Variants in RARB observed in about 807,000 individuals in gnomAD.
RARB encodes HBV-activated protein.
In RARB, 17 loss-of-function variants were observed where a neutral mutation model predicts 51.9. The observed-to-expected ratio is 0.33, with a 90% CI of 0.22 to 0.49. The LOEUF (loss-of-function observed/expected upper bound fraction) is 0.49. Ranked by LOEUF, RARB falls within the 20% of genes least tolerant of loss-of-function variation. The pLI is 0.99. For missense variants in RARB, 369 were observed against 550.8 expected (o/e 0.67, Z 3.30); for synonymous variants, 215 against 195.4 (o/e 1.10, Z -0.84).
intron 3 of RARB, among the ~76,000 whole-genome samples, chr3:25,126,089 T>G (rs752680274): frequency 2.0e-5 from 3 of 152,200 alleles, no homozygotes; most frequent in Non-Finnish European, 4.4e-5. Flanking sequence ...TTTATTAAAA[T>G]TTTTTGCTGC....
chr3:25,325,517 C>T (rs577908942), intron 5 of RARB, among the ~76,000 whole-genome samples: 3 of 152,144 alleles, frequency 2.0e-5, no homozygotes, highest in South Asian at 2.1e-4. Flanking sequence ...CTGGCTCAAA[C>T]GCTCTGACAG....
At position 25,063,922 on chromosome 3, in the gene RARB, G is replaced by A. The variant is rs566917819; in HGVS notation, c.-328+3746G>A. ...ACTTTGTGACTTAGCAAGGCTCAGG[G>A]AAGACTCTAATTACCAAATGCCAGA... On this transcript the variant is annotated intron_variant, in intron 3 of 11. Coordinates refer to the RARB transcript ENST00000383772. 3.9e-5 allele frequency among the ~76,000 whole-genome samples: 6 copies of A among 152,046 alleles called. No homozygotes were observed. The East Asian group carries it at 1.2e-3, about 29-fold the overall frequency.
chr3:25,175,873 G>A (rs957759076), intron 5 of RARB, among the ~76,000 whole-genome samples: 3 of 152,048 alleles, frequency 2.0e-5, no homozygotes, highest in Non-Finnish European at 2.9e-5. Flanking sequence ...CAGCCAAAGC[G>A]GCGTATTGAC....
At chr3:25,197,956 A>G (rs749429602) in intron 5 of RARB, among the ~76,000 whole-genome samples, 5 of 152,078 alleles carry the variant, frequency 3.3e-5, no homozygotes, top group African/African-American at 9.7e-5. Flanking sequence ...TGGGACCACA[A>G]AAGACCCAGA....
intron 2 of RARB, among the ~76,000 whole-genome samples, chr3:24,896,688 T>C (rs1703486547): frequency 6.6e-6 from 1 of 152,222 alleles, no homozygotes; most frequent in Admixed American, 6.5e-5. Flanking sequence ...TTGTATATTT[T>C]GATACAATAA....
chr3:25,385,263 A>G (rs1706758604), intron 5 of RARB, among the ~76,000 whole-genome samples: 1 of 152,190 alleles, frequency 6.6e-6, no homozygotes, highest in Admixed American at 6.5e-5. Flanking sequence ...CACAGAAAGG[A>G]CAATACAGCC....
chr3:25,140,608 G>A (rs577989426), intron 4 of RARB, among the ~76,000 whole-genome samples: 4 of 152,224 alleles, frequency 2.6e-5, no homozygotes, highest in Admixed American at 6.5e-5. Flanking sequence ...AAATGACAAC[G>A]AAACATTTAG....
chr3:24,843,899 G>GCACA (rs1559369359), intron 1 of RARB, among the ~76,000 whole-genome samples: 5 of 111,102 alleles, frequency 4.5e-5, no homozygotes, highest in African/African-American at 1.8e-4. Flanking sequence ...TGATTTGAGG[G>GCACA]TACACACACA....
At chr3:25,078,975 T>C (rs1284418768) in intron 3 of RARB, among the ~76,000 whole-genome samples, 1 of 152,186 alleles carries the variant, frequency 6.6e-6, no homozygotes, top group Admixed American at 6.5e-5. Flanking sequence ...TAAATCAATT[T>C]GAGGAAAACT....
intron 2 of RARB, among the ~76,000 whole-genome samples, chr3:24,962,008 C>A (rs1696152442): frequency 1.4e-5 from 2 of 139,268 alleles, no homozygotes; most frequent in South Asian, 4.6e-4. Flanking sequence ...TGGCTCACTG[C>A]AAGCTCCGCC....
intron 5 of RARB, among the ~76,000 whole-genome samples, chr3:25,198,311 A>G (rs555083336): frequency 1.3e-5 from 2 of 152,196 alleles, no homozygotes; most frequent in South Asian, 4.1e-4. Flanking sequence ...ACCTCACACT[A>G]TGAAACAGCT....
At chr3:25,490,328 C>T (rs751753404) in intron 2 of RARB, among the ~76,000 whole-genome samples, 6 of 152,080 alleles carry the variant, frequency 3.9e-5, no homozygotes, top group Non-Finnish European at 5.9e-5. Flanking sequence ...CATTATAAAG[C>T]AATACAAGTA....
intron 3 of RARB, among the ~76,000 whole-genome samples, chr3:25,063,674 G>C (rs1698597036): frequency 6.6e-6 from 1 of 150,986 alleles, no homozygotes; most frequent in Non-Finnish European, 1.5e-5. Flanking sequence ...AAATCTTGAG[G>C]TTCAAAGGGG....
At chr3:25,375,592 T>C (rs1296259904) in intron 5 of RARB, among the ~76,000 whole-genome samples, 3 of 152,182 alleles carry the variant, frequency 2.0e-5, no homozygotes, top group Admixed American at 6.6e-5. Flanking sequence ...CTAATATATA[T>C]AGGTCAAACA....
intron 2 of RARB, among the ~76,000 whole-genome samples, chr3:25,004,312 G>A (rs1697224807): frequency 6.6e-6 from 1 of 152,112 alleles, no homozygotes; most frequent in African/African-American, 2.4e-5. Context: ...TGAAAATACA[G>A]CGTTTTAGTT....
intron 3 of RARB, among the ~76,000 whole-genome samples, chr3:25,094,577 G>C (rs1699258905): frequency 2.0e-5 from 3 of 151,884 alleles, no homozygotes; most frequent in African/African-American, 7.3e-5. Context: ...AATTAGCCAG[G>C]TGTGATGGCA....
intron 2 of RARB, among the ~76,000 whole-genome samples, chr3:25,474,926 G>GTGTA (rs1559422449): frequency 2.6e-5 from 4 of 152,090 alleles, no homozygotes; most frequent in African/African-American, 9.7e-5. Context: ...GTCTCATGTT[G>GTGTA]TGTACAGTAT....
intron 5 of RARB, among the ~76,000 whole-genome samples, chr3:25,409,198 A>G (rs767034720): frequency 1.3e-5 from 2 of 152,256 alleles, no homozygotes; most frequent in Non-Finnish European, 2.9e-5. Context: ...ACCAGAGAAA[A>G]ATGTGTAGTT....
chr3:25,117,598 G>C (rs1478283222), intron 3 of RARB, among the ~76,000 whole-genome samples: 1 of 152,112 alleles, frequency 6.6e-6, no homozygotes, highest in Non-Finnish European at 1.5e-5. Flanking sequence ...ACATGTGGGA[G>C]GAAACAGGTG....
Sources: allele counts gnomAD v4.1 joint callset (sites outside exome capture counted in the v4.1 genomes callset), GRCh38; gene constraint gnomAD v4.1.1; transcripts MANE v1.5; gene names NCBI Gene and HGNC (gene_info 2026-07-23, HGNC 2026-07-21).